EYS: variants seen among roughly 807,000 people sequenced by gnomAD.
The protein encoded by EYS is EGF-like photoreceptor maintenance factor, also known as protein eyes shut homolog.
EYS carries 250 observed loss-of-function variants against 282.1 expected under a neutral mutation model. The ratio of observed to expected loss-of-function variants is 0.89; its 90% CI spans 0.80 to 0.98. EYS has a LOEUF of 0.98. EYS is among the 50% of genes least tolerant of loss of function. The pLI is 0.00. For synonymous variants in EYS, 1,355 were observed against 1,282.9 expected (o/e 1.06, Z -1.20); for missense variants, 4,016 against 3,709.0 (o/e 1.08, Z -2.15).
At chr6:65,557,132 G>A (rs367656322) in intron 2 of EYS, among the ~76,000 whole-genome samples, 21 of 152,138 alleles carry the variant, frequency 1.4e-4, no homozygotes, top group African/African-American at 3.4e-4. Flanking sequence ...AAGATCCTTC[G>A]GGTGTCACTT....
chr6:64,177,737 G>T (rs1764677996), intron 31 of EYS, among the ~76,000 whole-genome samples: 1 of 151,700 alleles, frequency 6.6e-6, no homozygotes. Context: ...TCCATACTTT[G>T]TTTTTTTTCT....
intron 2 of EYS, among the ~76,000 whole-genome samples, chr6:65,601,426 CT>C (rs903711523): frequency 1.4e-4 from 21 of 151,710 alleles, no homozygotes; most frequent in East Asian, 9.7e-4. Context: ...GTCAATTATG[CT>C]TTTTTTTCCC....
chr6:64,021,276 G>T (rs901269406), intron 33 of EYS, among the ~76,000 whole-genome samples: 1 of 152,020 alleles, frequency 6.6e-6, no homozygotes, highest in Non-Finnish European at 1.5e-5. Context: ...CCAGGTACTG[G>T]ATTCAACGCC....
At chr6:65,125,642 T>C (rs901170217) in intron 12 of EYS, among the ~76,000 whole-genome samples, 1 of 152,202 alleles carries the variant, frequency 6.6e-6, no homozygotes, top group African/African-American at 2.4e-5. Flanking sequence ...TTACAGCTTC[T>C]ACATCTCACT....
chr6:63,941,274 G>T (rs908586360), intron 35 of EYS, among the ~76,000 whole-genome samples: 4 of 152,156 alleles, frequency 2.6e-5, no homozygotes, highest in Admixed American at 6.5e-5. Context: ...CTTCCACAAT[G>T]GTTGAGCTAG....
At chr6:65,402,184 C>T (rs1369009013) in intron 7 of EYS, among the ~76,000 whole-genome samples, 1 of 151,582 alleles carries the variant, frequency 6.6e-6, no homozygotes, top group Non-Finnish European at 1.5e-5. Flanking sequence ...CTTTCTAGAT[C>T]TTCAATTATT....
chr6:64,327,651 C>A (rs542028069), intron 29 of EYS, among the ~76,000 whole-genome samples: 1 of 152,112 alleles, frequency 6.6e-6, no homozygotes, highest in Non-Finnish European at 1.5e-5. Context: ...TTGAGACCTA[C>A]TGTAAGACTC....
intron 19 of EYS, among the ~76,000 whole-genome samples, chr6:64,827,554 A>G (rs1210129579): frequency 2.0e-5 from 3 of 151,894 alleles, no homozygotes; most frequent in Non-Finnish European, 4.4e-5. Flanking sequence ...AATGACTAAA[A>G]TTTACATAAT....
chr6:64,715,018 G>A (rs899252429), intron 22 of EYS, among the ~76,000 whole-genome samples: 1 of 151,660 alleles, frequency 6.6e-6, no homozygotes, highest in African/African-American at 2.4e-5. Context: ...ATAGTTTAAA[G>A]CAGCAGTCCC....
In EYS at chr6:64,626,186, G is replaced by A. The variant is rs894122437; in HGVS notation, c.3503C>T (p.Ser1168Leu). 12 of 1,541,560 alleles carry A rather than the reference G, an allele frequency of 7.8e-6. No individual in the cohort carries two copies. The highest frequency in any genetic ancestry group is 1.0e-5 in the Non-Finnish European group (12 of 1,144,296). Residue 1168 changes from serine to leucine, a missense_variant, in exon 23 of 43, where the codon TCA becomes TTA. Ser to Leu is a moderately radical substitution (Grantham distance 145). Coordinates refer to ENST00000503581, the MANE Select transcript of EYS (RefSeq NM_001142800.2). ...ACAGTCTGCACCATGTAGACATGGT[G>A]ATGAAGAGCATTCATTTATATTAAT... ...CEININECSS[S>L]PCLHGADCED...
intron 12 of EYS, among the ~76,000 whole-genome samples, chr6:65,102,431 A>G (rs1469570608): frequency 1.3e-5 from 2 of 151,280 alleles, no homozygotes; most frequent in Non-Finnish European, 3.0e-5. Context: ...AGACAAACCC[A>G]GTATTCATTT....
intron 30 of EYS, among the ~76,000 whole-genome samples, chr6:64,273,860 GTTA>G (rs1768022537): frequency 6.6e-6 from 1 of 152,170 alleles, no homozygotes; most frequent in Non-Finnish European, 1.5e-5. Context: ...TGCATGTTAA[GTTA>G]TTAAACCTTC....
At chr6:64,735,208 C>T (rs1280591213) in intron 22 of EYS, among the ~76,000 whole-genome samples, 3 of 152,084 alleles carry the variant, frequency 2.0e-5, no homozygotes, top group Non-Finnish European at 2.9e-5. Context: ...CTCAGCCTCC[C>T]GAGTGGCTGA....
intron 29 of EYS, among the ~76,000 whole-genome samples, chr6:64,307,608 T>C (rs1313146567): frequency 3.3e-5 from 5 of 152,056 alleles, no homozygotes; most frequent in African/African-American, 1.2e-4. Flanking sequence ...AAGCATCAGA[T>C]ATTTAGAATA....
At chr6:64,314,667 G>T (rs1290936266) in intron 29 of EYS, among the ~76,000 whole-genome samples, 2 of 152,136 alleles carry the variant, frequency 1.3e-5, no homozygotes, top group East Asian at 3.9e-4. Flanking sequence ...TGTACAACTT[G>T]CTCCTGAGTG....
intron 14 of EYS, among the ~76,000 whole-genome samples, chr6:64,960,273 T>G (rs1264930873): frequency 6.6e-6 from 1 of 152,160 alleles, no homozygotes; most frequent in Non-Finnish European, 1.5e-5. Context: ...TTATGTAGAA[T>G]ATGTAAATAG....
At chr6:64,543,368 G>T (rs953959092) in intron 26 of EYS, among the ~76,000 whole-genome samples, 1 of 152,028 alleles carries the variant, frequency 6.6e-6, no homozygotes, top group East Asian at 1.9e-4. Flanking sequence ...ATTTCTGACA[G>T]ATTTGCCTAT....
At chr6:64,538,911 T>C (rs540163399) in intron 26 of EYS, among the ~76,000 whole-genome samples, 2 of 152,318 alleles carry the variant, frequency 1.3e-5, no homozygotes, top group South Asian at 4.1e-4. Flanking sequence ...ACATATCTAG[T>C]AATTGCGCTG....
chr6:64,014,110 A>T (rs1768772972), intron 33 of EYS, among the ~76,000 whole-genome samples: 1 of 152,080 alleles, frequency 6.6e-6, no homozygotes, highest in East Asian at 1.9e-4. Context: ...ATTTGAACTC[A>T]CACACACACA....
Sources: allele counts gnomAD v4.1 joint callset (sites outside exome capture counted in the v4.1 genomes callset), GRCh38; gene constraint gnomAD v4.1.1; transcripts MANE v1.5; gene names NCBI Gene and HGNC (gene_info 2026-07-23, HGNC 2026-07-21).